NEGR1: variants seen among roughly 807,000 people sequenced by gnomAD.
NEGR1 encodes the protein neuronal growth regulator 1, also known as IgLON family member 4.
A neutral mutation model predicts 40.9 loss-of-function variants in NEGR1; 10 were observed. That is an observed-to-expected ratio of 0.24 (90% CI 0.15 to 0.42). The LOEUF (loss-of-function observed/expected upper bound fraction) is 0.42, where lower values mean the gene tolerates loss of function less well. Among genes scored for constraint, NEGR1 ranks in the 10% least tolerant of loss-of-function variants. The pLI is 1.00. For synonymous variants in NEGR1, 185 were observed against 166.8 expected, an observed-to-expected ratio of 1.11 and a Z score of -0.84; for missense variants, 352 against 438.9, an observed-to-expected ratio of 0.80 and a Z score of 1.77.
Position 71,698,158 on chromosome 1 carries a change from C to T in NEGR1, c.536-19G>A, listed in dbSNP as rs1653548888. The T allele has an allele frequency of 6.2e-7, 1 of 1,606,152 alleles. No individual in the cohort carries two copies. Reference sequence around the variant, plus strand: ...GGTTTTGCTATAAAAAAGAATACAGCATGTTTAATTGTAGCCGCCTGAGGC... The same window carrying T: ...GGTTTTGCTATAAAAAAGAATACAGTATGTTTAATTGTAGCCGCCTGAGGC... On this transcript the variant is annotated intron_variant, in intron 3 of 6. Coordinates refer to ENST00000357731, the MANE Select transcript of NEGR1 (RefSeq NM_173808.3).
intron 6 of NEGR1, among the ~76,000 whole-genome samples, chr1:71,452,982 A>C (rs1646643467): frequency 6.6e-6 from 1 of 152,154 alleles, no homozygotes; most frequent in Non-Finnish European, 1.5e-5. Context: ...TGAATACATA[A>C]GTTTTATTTC....
At chr1:72,179,503 A>G (rs1281228938) in intron 1 of NEGR1, among the ~76,000 whole-genome samples, 1 of 152,114 alleles carries the variant, frequency 6.6e-6, no homozygotes, top group Non-Finnish European at 1.5e-5. Context: ...AAATGCTCAG[A>G]ACAGTGCCTA....
At chr1:72,135,970 G>T (rs912995759) in intron 1 of NEGR1, among the ~76,000 whole-genome samples, 8 of 152,090 alleles carry the variant, frequency 5.3e-5, no homozygotes, top group Admixed American at 1.3e-4. Flanking sequence ...GCTCTAATGT[G>T]CCCAACAGAC....
chr1:71,916,783 A>G (rs1661598329), intron 2 of NEGR1, among the ~76,000 whole-genome samples: 1 of 152,140 alleles, frequency 6.6e-6, no homozygotes, highest in Non-Finnish European at 1.5e-5. Flanking sequence ...AAAACAAAAC[A>G]AAAACCAGAG....
intron 2 of NEGR1, among the ~76,000 whole-genome samples, chr1:71,874,973 T>C (rs1660383617): frequency 6.6e-6 from 1 of 151,968 alleles, no homozygotes; most frequent in Non-Finnish European, 1.5e-5. Context: ...GCCTCCTGAG[T>C]AGCTGGGACG....
At chr1:71,997,874 G>A (rs1023928095) in intron 1 of NEGR1, among the ~76,000 whole-genome samples, 9 of 151,838 alleles carry the variant, frequency 5.9e-5, no homozygotes, top group Admixed American at 3.9e-4. Flanking sequence ...ATTTTTGCCA[G>A]TCATAAATTT....
chr1:71,791,800 G>C lies in NEGR1; in HGVS notation c.410-15503C>G, dbSNP rs940382767. On this transcript the variant is annotated intron_variant, in intron 2 of 6. Coordinates refer to ENST00000357731, the MANE Select transcript of NEGR1 (RefSeq NM_173808.3). ...GTGAGAAAATGACTAACTTTAATTG[G>C]AAGTAGGTAGAGGAAGGGCAGGTGG... Among the ~76,000 whole-genome samples, 17 of 152,178 alleles carry C rather than the reference G, an allele frequency of 1.1e-4. 1 individual carries two copies. In the South Asian group the frequency reaches 2.7e-3, roughly 24 times the overall value.
At chr1:71,814,091 G>A (rs755141627) in intron 2 of NEGR1, among the ~76,000 whole-genome samples, 13 of 152,076 alleles carry the variant, frequency 8.5e-5, no homozygotes, top group Non-Finnish European at 1.5e-4. Flanking sequence ...TTAATATTTT[G>A]AGGAATGTTC....
At chr1:72,049,207 G>C (rs116444815) in intron 1 of NEGR1, among the ~76,000 whole-genome samples, 1,623 of 151,500 alleles carry the variant, frequency 0.011, 29 homozygotes, top group African/African-American at 0.037. Flanking sequence ...CAGGTGTAGT[G>C]ACATACGCCT....
intron 1 of NEGR1, among the ~76,000 whole-genome samples, chr1:72,026,846 C>A (rs1646814826): frequency 6.6e-6 from 1 of 152,126 alleles, no homozygotes; most frequent in Admixed American, 6.6e-5. Flanking sequence ...CATAGCTAGC[C>A]TGGCTTTTTA....
Position 71,400,325 on chromosome 1 carries a change from T to A in NEGR1, c.*7121A>T, listed in dbSNP as rs538479544. ...CTGGCTATAGCTTCTTGCAATGTTTTTATCATTATCATAGTATTTGGTTGA... is the reference window on the plus strand; with the variant it reads ...CTGGCTATAGCTTCTTGCAATGTTTATATCATTATCATAGTATTTGGTTGA... On this transcript the variant is annotated 3_prime_UTR_variant, in exon 7 of 7. Transcript: ENST00000357731. 5 of 152,316 alleles carry A rather than the reference T, an allele frequency of 3.3e-5. No homozygotes were observed. The highest frequency in any genetic ancestry group is 1.2e-4 in the African/African-American group (5 of 41,572). The allele number at this position is 152,316 out of a possible 1,614,324, so 9.4% of individuals were successfully genotyped here. A position where few individuals can be genotyped will look rare whatever the true frequency, so the allele number is the denominator to read the frequency against.
chr1:71,594,986 G>A (rs760395185), intron 5 of NEGR1, among the ~76,000 whole-genome samples: 274 of 152,296 alleles, frequency 1.8e-3, no homozygotes, highest in South Asian at 2.1e-3. Context: ...GCTAGACCCA[G>A]GGGAAATACT....
chr1:71,837,527 C>T (rs1354913929), intron 2 of NEGR1, among the ~76,000 whole-genome samples: 1 of 151,916 alleles, frequency 6.6e-6, no homozygotes, highest in Non-Finnish European at 1.5e-5. Context: ...TTGTCTTATC[C>T]AGAGCATTCA....
chr1:71,782,589 G>T (rs1248048939), intron 2 of NEGR1, among the ~76,000 whole-genome samples: 1 of 152,094 alleles, frequency 6.6e-6, no homozygotes, highest in Non-Finnish European at 1.5e-5. Context: ...TTATTCAACA[G>T]CATATTGCCA....
intron 2 of NEGR1, among the ~76,000 whole-genome samples, chr1:71,829,819 G>C (rs1048975869): frequency 1.1e-4 from 16 of 152,010 alleles, no homozygotes; most frequent in African/African-American, 3.9e-4. Context: ...CCTAAATATT[G>C]CAGCACAATC....
At chr1:71,839,057 C>T (rs1476179052) in intron 2 of NEGR1, among the ~76,000 whole-genome samples, 1 of 151,654 alleles carries the variant, frequency 6.6e-6, no homozygotes, top group Non-Finnish European at 1.5e-5. Flanking sequence ...AGTTGAAATG[C>T]TGTGTGCATA....
intron 1 of NEGR1, among the ~76,000 whole-genome samples, chr1:72,113,087 G>C (rs1649440036): frequency 6.6e-6 from 1 of 151,656 alleles, no homozygotes; most frequent in Non-Finnish European, 1.5e-5. Context: ...CTCAAGATAG[G>C]TACAGAGTTA....
At chr1:71,535,730 C>T (rs1381865634) in intron 6 of NEGR1, among the ~76,000 whole-genome samples, 2 of 151,642 alleles carry the variant, frequency 1.3e-5, no homozygotes, top group African/African-American at 4.8e-5. Context: ...AAAGCTGGTG[C>T]TACAGGCAGT....
intron 6 of NEGR1, among the ~76,000 whole-genome samples, chr1:71,470,359 C>T (rs966793542): frequency 2.6e-5 from 4 of 151,988 alleles, no homozygotes; most frequent in Admixed American, 1.3e-4. Context: ...ATATGCCTCT[C>T]GATGTTGATG....
Sources: gnomAD v4.1 joint callset for allele counts (sites outside exome capture counted in the v4.1 genomes callset) on GRCh38, gnomAD v4.1.1 for gene constraint, MANE v1.5 for transcripts, NCBI Gene and HGNC (gene_info 2026-07-23, HGNC 2026-07-21) for gene names.